The following KIAA1549L variants were observed in gnomAD, a reference collection of about 807,000 sequenced individuals.
KIAA1549L encodes KIAA1549 like.
A neutral mutation model predicts 160.7 loss-of-function variants in KIAA1549L; 88 were observed. The ratio of observed to expected loss-of-function variants is 0.55; its 90% confidence interval spans 0.46 to 0.65. The LOEUF is 0.65. Ranked by LOEUF, KIAA1549L falls within the 30% of genes least tolerant of loss-of-function variation. KIAA1549L has a pLI of 0.00. For missense variants in KIAA1549L, 2,258 were observed against 2,437.5 expected, an observed-to-expected ratio of 0.93 and a Z score of 1.55; for synonymous variants, 950 against 976.7, an observed-to-expected ratio of 0.97 and a Z score of 0.51.
At chr11:33,591,526 C>T (rs543679387) in intron 12 of KIAA1549L, 105 bp downstream of exon 12, 1 of 861,916 alleles carries the variant, frequency 1.2e-6, no homozygotes, top group Non-Finnish European at 1.8e-6. Context: ...TTTAAAAATT[C>T]CCCTTCATGC....
intron 12 of KIAA1549L, among the ~76,000 whole-genome samples, chr11:33,594,935 T>C (rs933706229): frequency 6.6e-6 from 1 of 152,234 alleles, no homozygotes; most frequent in African/African-American, 2.4e-5. Flanking sequence ...ATAACTTATT[T>C]ATCACCTATT....
intron 1 of KIAA1549L, among the ~76,000 whole-genome samples, chr11:33,496,439 A>G (rs1208851844): frequency 1.3e-5 from 2 of 152,208 alleles, no homozygotes; most frequent in Non-Finnish European, 2.9e-5. Flanking sequence ...CTCTTTTGCA[A>G]TATGCTTGCT....
intron 16 of KIAA1549L, among the ~76,000 whole-genome samples, chr11:33,639,149 T>C (rs1851519688): frequency 6.6e-6 from 1 of 152,238 alleles, no homozygotes; most frequent in Non-Finnish European, 1.5e-5. Context: ...GAATATTTTT[T>C]AGGAAGAAGA....
chr11:33,504,439 C>A (rs2615937), intron 1 of KIAA1549L, among the ~76,000 whole-genome samples: 104,553 of 151,610 alleles, frequency 0.69, 36,545 homozygotes, highest in African/African-American at 0.81. Flanking sequence ...GATTTCCCTT[C>A]CCTTCCCTTC....
rs200426669 is a variant in KIAA1549L, at chr11:33,661,014, G to T, written c.6159G>T (p.Ser2053=). ...ENELPSQWAD[S]VPLPGYIEAY... ...AGCTCCCGAGCCAGTGGGCAGATTCGGTGAGACCCTTGCTCTTCACCTCAT... is the reference window on the plus strand; with the variant it reads ...AGCTCCCGAGCCAGTGGGCAGATTCTGTGAGACCCTTGCTCTTCACCTCAT... The change falls in exon 20 of 21, where the codon TCG becomes TCT. Residue 2053 remains serine (S), a splice_region_variant and synonymous_variant. Coordinates refer to ENST00000658780, the MANE Select transcript of KIAA1549L (RefSeq NM_012194.3). The T allele has an allele frequency of 1.9e-6, 3 of 1,606,864 alleles. No homozygotes were observed. The Admixed American group carries it at 5.1e-5, about 27-fold the overall frequency.
chr11:33,582,736 C>G (rs1024037463), intron 10 of KIAA1549L, among the ~76,000 whole-genome samples: 1 of 152,204 alleles, frequency 6.6e-6, no homozygotes, highest in Admixed American at 6.5e-5. Flanking sequence ...ATTCTTCCTG[C>G]TGCCACTCAC....
chr11:33,560,485 A>G (rs1395412163), intron 7 of KIAA1549L, among the ~76,000 whole-genome samples: 1 of 152,098 alleles, frequency 6.6e-6, no homozygotes, highest in Non-Finnish European at 1.5e-5. Flanking sequence ...AATATAACTC[A>G]TTTGCAGTCC....
At chr11:33,619,257 T>A (rs1255545589) in intron 16 of KIAA1549L, among the ~76,000 whole-genome samples, 1 of 152,182 alleles carries the variant, frequency 6.6e-6, no homozygotes, top group Non-Finnish European at 1.5e-5. Flanking sequence ...CTGTGACTTG[T>A]CCTTGGACCC....
intron 1 of KIAA1549L, among the ~76,000 whole-genome samples, chr11:33,518,491 G>T (rs1853407715): frequency 6.6e-6 from 1 of 152,110 alleles, no homozygotes; most frequent in Non-Finnish European, 1.5e-5. Flanking sequence ...AATCACAGCA[G>T]AGTCAACTAC....
chr11:33,433,189 A>G (rs534522735), intron 1 of KIAA1549L, among the ~76,000 whole-genome samples: 1 of 152,376 alleles, frequency 6.6e-6, no homozygotes, highest in East Asian at 1.9e-4. Flanking sequence ...CAATCTACTC[A>G]TCTGACAAAG....
At chr11:33,382,102 G>A (rs944608542) in intron 1 of KIAA1549L, among the ~76,000 whole-genome samples, 1 of 152,174 alleles carries the variant, frequency 6.6e-6, no homozygotes, top group African/African-American at 2.4e-5. Context: ...CAGCATGGAA[G>A]CGAATAAGAA....
chr11:33,433,419 T>G (rs974292183), intron 1 of KIAA1549L, among the ~76,000 whole-genome samples: 8 of 151,648 alleles, frequency 5.3e-5, no homozygotes, highest in Non-Finnish European at 7.4e-5. Context: ...TTAGAATGAT[T>G]ATTAAAAAGT....
chr11:33,580,108 G>A (rs1590363697), intron 10 of KIAA1549L, among the ~76,000 whole-genome samples: 1 of 152,222 alleles, frequency 6.6e-6, no homozygotes, highest in Non-Finnish European at 1.5e-5. Flanking sequence ...TGACAAGGCA[G>A]CATTTGACTT....
At chr11:33,559,256 C>T (rs1854756233) in intron 6 of KIAA1549L, among the ~76,000 whole-genome samples, 1 of 152,196 alleles carries the variant, frequency 6.6e-6, no homozygotes, top group South Asian at 2.1e-4. Context: ...CTCAGGCTTT[C>T]TCTATCTGAG....
At chr11:33,625,081 CATGAACTCATCATTTTTT>C (rs1373260628) in intron 16 of KIAA1549L, among the ~76,000 whole-genome samples, 1 of 151,904 alleles carries the variant, frequency 6.6e-6, no homozygotes, top group African/African-American at 2.4e-5. Context: ...CTACAAAGGA[CATGAACTCATCATTTTTT>C]ATGGCTGCAT....
chr11:33,421,761 T>G (rs925606363), intron 1 of KIAA1549L, among the ~76,000 whole-genome samples: 4 of 152,170 alleles, frequency 2.6e-5, no homozygotes, highest in African/African-American at 9.7e-5. Context: ...GGAGTTTTAA[T>G]AGAATTTTGG....
At chr11:33,414,862 A>G (rs979636471) in intron 1 of KIAA1549L, among the ~76,000 whole-genome samples, 2 of 152,090 alleles carry the variant, frequency 1.3e-5, no homozygotes, top group Non-Finnish European at 2.9e-5. Flanking sequence ...AGACCTATTC[A>G]TGTCCTTTCC....
chr11:33,376,474 T>A lies in KIAA1549L; in HGVS notation c.-178T>A, dbSNP rs1271638660. ...GCCCCTGCGCGGGTGAAGCCGCGGCTCCCTGGAGCCCGCCCCGGGCGCGGC... is the reference window on the plus strand; with the variant it reads ...GCCCCTGCGCGGGTGAAGCCGCGGCACCCTGGAGCCCGCCCCGGGCGCGGC... On this transcript the variant is annotated 5_prime_UTR_variant, in exon 1 of 21. Coordinates refer to ENST00000658780, the MANE Select transcript of KIAA1549L (RefSeq NM_012194.3). This position sits in a 1 kb window ranked among gnomAD's most constrained non-coding sequence, Gnocchi z 5.8. The A allele has an allele frequency of 6.8e-6, 1 of 146,752 alleles. No homozygotes were observed. The highest frequency in any genetic ancestry group is 1.5e-5 in the Non-Finnish European group (1 of 66,076). The allele number at this position is 146,752 out of a possible 1,614,324, so 9.1% of individuals were successfully genotyped here.
chr11:33,574,548 T>G (rs1565193132), intron 9 of KIAA1549L, among the ~76,000 whole-genome samples, 154 bp from the exon 10 acceptor site: 1 of 152,246 alleles, frequency 6.6e-6, no homozygotes. Flanking sequence ...AGAGCAGGCT[T>G]CTTGAGAGGC....
Sources: allele counts gnomAD v4.1 joint callset (sites outside exome capture counted in the v4.1 genomes callset), GRCh38; gene constraint gnomAD v4.1.1; non-coding constraint Gnocchi (gnomAD v3.1); transcripts MANE v1.5; gene names NCBI Gene and HGNC (gene_info 2026-07-23, HGNC 2026-07-21).